The following BMERB1 variants were observed in gnomAD, a reference collection of about 807,000 sequenced individuals.
BMERB1 encodes bMERB domain-containing protein 1.
A neutral mutation model predicts 23.6 loss-of-function variants in BMERB1; 12 were observed. That is an observed-to-expected ratio of 0.51 (90% CI 0.33 to 0.82). The LOEUF (loss-of-function observed/expected upper bound fraction) is 0.82. Ranked by LOEUF, BMERB1 falls within the 40% of genes least tolerant of loss-of-function variation. BMERB1 has a pLI of 0.03. For missense variants in BMERB1, 247 were observed against 255.4 expected (o/e 0.97, Z 0.22); for synonymous variants, 122 against 96.6 (o/e 1.26, Z -1.54).
rs2031156369 is a variant in BMERB1 at position 15,586,782 on chromosome 16, G to C, written c.568G>C (p.Ala190Pro). The change falls in exon 6 of 6, where the codon GCA becomes CCA. Residue 190 changes from alanine (A) to proline (P), a missense_variant. Physicochemically the swap from Ala to Pro is conservative, Grantham distance 27. Transcript: ENST00000300006. Reference sequence around the variant, plus strand: ...GCCCACGGTGGCCAAGACGGGGCTGGCACTGATCAAGGATTGTTGCGGGGC... The same window carrying C: ...GCCCACGGTGGCCAAGACGGGGCTGCCACTGATCAAGGATTGTTGCGGGGC... ...SKPTVAKTGLALIKDCCGATQ... is the reference protein window; with the variant it reads ...SKPTVAKTGLPLIKDCCGATQ... 14 of 1,612,424 alleles carry C rather than the reference G, an allele frequency of 8.7e-6. No individual in the cohort carries two copies. The highest frequency in any genetic ancestry group is 1.2e-5 in the Non-Finnish European group (14 of 1,179,596).
intron 1 of BMERB1, among the ~76,000 whole-genome samples, chr16:15,477,094 A>G (rs531361589): frequency 6.6e-6 from 1 of 152,194 alleles, no homozygotes; most frequent in South Asian, 2.1e-4. Context: ...GTCTGTTCTC[A>G]TGCTGCTATG....
At chr16:15,556,308 TC>T (rs2030256822) in intron 2 of BMERB1, among the ~76,000 whole-genome samples, 1 of 152,256 alleles carries the variant, frequency 6.6e-6, no homozygotes, top group East Asian at 1.9e-4. Context: ...AAGTGGCTGT[TC>T]CTACACACCC....
intron 2 of BMERB1, among the ~76,000 whole-genome samples, chr16:15,518,400 A>G (rs1039375539): frequency 2.0e-5 from 3 of 152,180 alleles, no homozygotes; most frequent in African/African-American, 7.2e-5. Context: ...ACGCTCCCCA[A>G]CCAGGCTCAG....
chr16:15,443,113 T>G (rs1338082123), intron 1 of BMERB1, among the ~76,000 whole-genome samples: 2 of 152,052 alleles, frequency 1.3e-5, no homozygotes, highest in Non-Finnish European at 2.9e-5. Flanking sequence ...CCAGGCATAG[T>G]GGCATGCATC....
intron 1 of BMERB1, among the ~76,000 whole-genome samples, chr16:15,468,962 A>C (rs2051206660): frequency 7.0e-6 from 1 of 142,722 alleles, no homozygotes; most frequent in Non-Finnish European, 1.5e-5. Flanking sequence ...AATCATCTTC[A>C]CACTTTTTTT....
intron 1 of BMERB1, among the ~76,000 whole-genome samples, chr16:15,463,774 C>T (rs1869846889): frequency 2.0e-5 from 3 of 151,904 alleles, no homozygotes; most frequent in Non-Finnish European, 2.9e-5. Flanking sequence ...ACACAACTGC[C>T]TTAGCTGTGA....
At chr16:15,495,378 T>G (rs1490764500) in intron 1 of BMERB1, among the ~76,000 whole-genome samples, 1 of 150,968 alleles carries the variant, frequency 6.6e-6, no homozygotes, top group Non-Finnish European at 1.5e-5. Flanking sequence ...TTGTTTTTTG[T>G]TTTTTGAGAC....
rs553411469 is a variant in BMERB1, at chr16:15,480,787, T to C, written c.107-34518T>C. On this transcript the variant is annotated intron_variant, in intron 1 of 5. Coordinates refer to ENST00000300006, the MANE Select transcript of BMERB1 (RefSeq NM_033201.3). ...CACCACCACACCGAGCTAATTTTTC[T>C]ATTTTTGGTAGAGATGGGTTTTCAC... 9.9e-5 allele frequency among the ~76,000 whole-genome samples: 15 copies of C among 151,990 alleles called. No individual in the cohort carries two copies. In the South Asian group the frequency reaches 3.1e-3, roughly 32 times the overall value.
intron 2 of BMERB1, among the ~76,000 whole-genome samples, chr16:15,555,173 T>C (rs2030217921): frequency 6.6e-6 from 1 of 152,084 alleles, no homozygotes; most frequent in African/African-American, 2.4e-5. Context: ...CCTCCTGGGC[T>C]GAAGTGATCC....
chr16:15,521,136 T>A (rs554825743), intron 2 of BMERB1, among the ~76,000 whole-genome samples: 1 of 152,246 alleles, frequency 6.6e-6, no homozygotes, highest in African/African-American at 2.4e-5. Flanking sequence ...TCCCATCTCC[T>A]TGGCTGCAGC....
rs182797812 is a variant in BMERB1, at chr16:15,485,143, T to A, written c.107-30162T>A. Among the ~76,000 whole-genome samples, 14 of 152,316 alleles carry A rather than the reference T, an allele frequency of 9.2e-5. No individual in the cohort carries two copies. In the East Asian group the frequency reaches 2.7e-3, roughly 29 times the overall value. On this transcript the variant is annotated intron_variant, in intron 1 of 5. Transcript: ENST00000300006. ...GTATTATTGCCTCAACTTGGATAAT[T>A]TGCCCATGGCTGAACTGATTACCAT... is the stretch of plus-strand genomic sequence containing the variant.
chr16:15,562,426 C>T (rs2030449200), intron 2 of BMERB1, among the ~76,000 whole-genome samples: 1 of 152,060 alleles, frequency 6.6e-6, no homozygotes, highest in Non-Finnish European at 1.5e-5. Context: ...GCCTCCTAAT[C>T]ACTACCTGTC....
intron 2 of BMERB1, among the ~76,000 whole-genome samples, chr16:15,556,386 C>A (rs2030259780): frequency 6.6e-6 from 1 of 151,984 alleles, no homozygotes. Flanking sequence ...TCTCATACAA[C>A]CCCAAGACAA....
At chr16:15,526,048 GTAAAAT>G (rs2051901980) in intron 2 of BMERB1, among the ~76,000 whole-genome samples, 1 of 152,136 alleles carries the variant, frequency 6.6e-6, no homozygotes, top group Non-Finnish European at 1.5e-5. Flanking sequence ...TAAATAGCAT[GTAAAAT>G]TCAGTCTCTC....
At chr16:15,519,870 G>A (rs2051828201) in intron 2 of BMERB1, among the ~76,000 whole-genome samples, 1 of 152,136 alleles carries the variant, frequency 6.6e-6, no homozygotes, top group Non-Finnish European at 1.5e-5. Context: ...TGAGGAAGAA[G>A]AGGAGGGAGA....
At chr16:15,526,655 C>T (rs1372035452) in intron 2 of BMERB1, among the ~76,000 whole-genome samples, 14 of 123,056 alleles carry the variant, frequency 1.1e-4, no homozygotes, top group African/African-American at 4.9e-4. Context: ...CAGAGCGAGA[C>T]TGCATCTCAA....
intron 2 of BMERB1, among the ~76,000 whole-genome samples, chr16:15,518,108 G>A (rs2150953637): frequency 1.3e-5 from 2 of 152,278 alleles, no homozygotes; most frequent in South Asian, 4.1e-4. Flanking sequence ...CAGGCTTAAG[G>A]ACAAGAATAA....
intron 2 of BMERB1, among the ~76,000 whole-genome samples, chr16:15,527,736 C>T (rs1336856347): frequency 6.6e-6 from 1 of 152,136 alleles, no homozygotes; most frequent in Non-Finnish European, 1.5e-5. Flanking sequence ...ACTTAAATGT[C>T]TCAAAGATAC....
chr16:15,521,176 CATCTT>C (rs1294088454), intron 2 of BMERB1, among the ~76,000 whole-genome samples: 1 of 152,254 alleles, frequency 6.6e-6, no homozygotes, highest in Non-Finnish European at 1.5e-5. Flanking sequence ...TGGCAATACT[CATCTT>C]GTCAGTGATG....
Sources: gnomAD v4.1 joint callset for allele counts (sites outside exome capture counted in the v4.1 genomes callset) on GRCh38, gnomAD v4.1.1 for gene constraint, MANE v1.5 for transcripts, NCBI Gene and HGNC (gene_info 2026-07-23, HGNC 2026-07-21) for gene names.